SVEP1: variants seen among roughly 807,000 people sequenced by gnomAD.
SVEP1 encodes the protein sushi, von Willebrand factor type A, EGF and pentraxin domain containing 1.
Under a neutral mutation model 367.3 loss-of-function variants are expected in SVEP1, and 164 were observed. That is an observed-to-expected ratio of 0.45 (90% CI 0.39 to 0.51). SVEP1 has a LOEUF of 0.51. SVEP1 is among the 20% of genes least tolerant of loss of function. The probability of loss-of-function intolerance (pLI) is 0.00; values close to 1 mark genes in which losing one functional copy is unlikely to be tolerated. For missense variants in SVEP1, 4,117 were observed against 4,425.3 expected, an observed-to-expected ratio of 0.93 and a Z score of 1.98; for synonymous variants, 1,666 against 1,611.6, an observed-to-expected ratio of 1.03 and a Z score of -0.81.
At chr9:110,393,681 G>T (rs1469801239) in intron 40 of SVEP1, among the ~76,000 whole-genome samples, 1 of 149,332 alleles carries the variant, frequency 6.7e-6, no homozygotes, top group Non-Finnish European at 1.5e-5. Context: ...TTTCCAACAG[G>T]CTTAAAAAAC....
At chr9:110,391,248 C>G (rs979654789) in intron 40 of SVEP1, among the ~76,000 whole-genome samples, 6 of 150,010 alleles carry the variant, frequency 4.0e-5, no homozygotes, top group Non-Finnish European at 8.9e-5. Context: ...TGTACAGCAA[C>G]CTGATGGGTC....
chr9:110,458,150 C>G (rs1828805771), intron 20 of SVEP1: 3 of 542,824 alleles, frequency 5.5e-6, no homozygotes, highest in Non-Finnish European at 1.0e-5. Context: ...TTCCTTAAAC[C>G]AAATTCTCTT....
chr9:110,463,628 G>A (rs918331970), intron 18 of SVEP1, among the ~76,000 whole-genome samples: 3 of 142,870 alleles, frequency 2.1e-5, no homozygotes, highest in Non-Finnish European at 4.7e-5. Flanking sequence ...AAGAAAGAAA[G>A]GAAGAAAAAG....
intron 17 of SVEP1, 72 bp from the exon 18 acceptor site, chr9:110,466,098 G>A (rs1320890282): frequency 1.4e-6 from 2 of 1,447,116 alleles, no homozygotes; most frequent in Non-Finnish European, 1.8e-6. Flanking sequence ...GTGCGGGATA[G>A]GGTTTTCTGC....
chr9:110,430,786 T>C (rs1828339297), intron 32 of SVEP1, among the ~76,000 whole-genome samples: 2 of 152,198 alleles, frequency 1.3e-5, no homozygotes, highest in Non-Finnish European at 2.9e-5. Context: ...TCCCTCTTCA[T>C]ACCCAGTTTT....
At chr9:110,515,775 T>C (rs2118782105) in intron 3 of SVEP1, among the ~76,000 whole-genome samples, 1 of 152,304 alleles carries the variant, frequency 6.6e-6, no homozygotes, top group Non-Finnish European at 1.5e-5. Context: ...GTTACTCAGT[T>C]AGTGGGTGAC....
At chr9:110,547,544 T>A (rs1830235550) in intron 2 of SVEP1, among the ~76,000 whole-genome samples, 1 of 152,114 alleles carries the variant, frequency 6.6e-6, no homozygotes, top group Non-Finnish European at 1.5e-5. Flanking sequence ...CACTGCACTA[T>A]ATAGCCTGTG....
At chr9:110,405,975 A>AT (rs1827948267) in intron 38 of SVEP1, among the ~76,000 whole-genome samples, 185 bp downstream of exon 38, 1 of 152,326 alleles carries the variant, frequency 6.6e-6, no homozygotes, top group Admixed American at 6.5e-5. Flanking sequence ...GTATCGATTT[A>AT]TTTTTATACT....
chr9:110,473,385 T>C (rs938774910), intron 14 of SVEP1, among the ~76,000 whole-genome samples: 3 of 152,206 alleles, frequency 2.0e-5, no homozygotes, highest in Non-Finnish European at 4.4e-5. Flanking sequence ...GGCAAGCTTT[T>C]TTCCCACTGT....
chr9:110,486,267 A>G (rs897940763), intron 9 of SVEP1, among the ~76,000 whole-genome samples: 5 of 152,248 alleles, frequency 3.3e-5, no homozygotes, highest in Middle Eastern at 3.2e-3. Flanking sequence ...TTTTCTGGGC[A>G]TATCTGATTT....
intron 17 of SVEP1, among the ~76,000 whole-genome samples, chr9:110,468,534 G>A (rs1337539598): frequency 6.6e-6 from 1 of 152,178 alleles, no homozygotes; most frequent in Non-Finnish European, 1.5e-5. Context: ...CCCCTTTGAA[G>A]CAGACTGTAA....
chr9:110,406,674 A>C lies in SVEP1; in HGVS notation c.8926T>G (p.Phe2976Val). 3 of 1,614,034 alleles carry C rather than the reference A, an allele frequency of 1.9e-6. No individual in the cohort carries two copies. Among genetic ancestry groups the C allele is most frequent in the Non-Finnish European group, 2.5e-6 (3 of 1,179,898 alleles). ...TTTCCATGGAGCTTATAACCAGGAA[A>C]GCACTGATACTGTATATGGCCCCCA... ...IHGGHIQYQC[F>V]PGYKLHGNSS... Residue 2976 changes from phenylalanine to valine, a missense_variant, in exon 38 of 48, where the codon TTT becomes GTT. Around this residue, in one of 4 missense-constraint regions of SVEP1, gnomAD observed 1,765 missense variants for 1,781.1 expected, o/e 0.99. Transcript: ENST00000374469.
chr9:110,435,156 A>C, intron 29 of SVEP1, 85 bp downstream of exon 29: 6 of 1,489,640 alleles, frequency 4.0e-6, no homozygotes, highest in Non-Finnish European at 5.4e-6. Context: ...TTGGACCGAT[A>C]GAGAATTCTG....
intron 3 of SVEP1, among the ~76,000 whole-genome samples, chr9:110,525,088 A>C (rs764818491): frequency 1.3e-5 from 2 of 152,182 alleles, no homozygotes; most frequent in Non-Finnish European, 2.9e-5. Flanking sequence ...CAGTAGTGGA[A>C]CTTCTAACCA....
At chr9:110,437,106 G>C (rs1040812200) in intron 27 of SVEP1, among the ~76,000 whole-genome samples, 13 of 152,116 alleles carry the variant, frequency 8.5e-5, no homozygotes, top group African/African-American at 3.1e-4. Flanking sequence ...GTGTCCCAAA[G>C]GTTGTCCCCG....
chr9:110,571,039 C>T (rs1002465963), intron 1 of SVEP1, among the ~76,000 whole-genome samples: 11 of 146,730 alleles, frequency 7.5e-5, no homozygotes, highest in East Asian at 6.2e-4. Flanking sequence ...TTCAATGACG[C>T]GATCTCAACT....
chr9:110,569,315 G>A (rs896757294), intron 1 of SVEP1, among the ~76,000 whole-genome samples: 3 of 151,930 alleles, frequency 2.0e-5, no homozygotes, highest in Admixed American at 1.3e-4. Context: ...AATTAGCTGA[G>A]CATGGTGGTG....
chr9:110,579,046 G>C lies in SVEP1; in HGVS notation c.498C>G (p.Gly166=). The C allele has an allele frequency of 6.5e-7, 1 of 1,549,520 alleles. No individual in the cohort carries two copies. The highest frequency in any genetic ancestry group is 8.7e-7 in the Non-Finnish European group (1 of 1,146,836). The change falls in exon 1 of 48, where the codon GGC becomes GGG. Residue 166 remains glycine, a synonymous_variant. Transcript: ENST00000374469. The surrounding 1 kb of genome is among the most constrained non-coding windows in gnomAD (Gnocchi z 5.3). Reference sequence around the variant, plus strand: ...GCTGGAAGGCGCCCTTGGTGTAGGTGCCGCCACCTCGGTAGGAGATGGCAG... The same window carrying C: ...GCTGGAAGGCGCCCTTGGTGTAGGTCCCGCCACCTCGGTAGGAGATGGCAG... The part of the protein sequence containing the change: ...EIPAISYRGG[G]TYTKGAFQQA...
chr9:110,377,370 G>T lies in SVEP1; in HGVS notation c.10409-4C>A. 1 of 1,613,552 alleles carries T rather than the reference G, an allele frequency of 6.2e-7. No individual in the cohort carries two copies. The highest frequency in any genetic ancestry group is 8.5e-7 in the Non-Finnish European group (1 of 1,179,552). ...TGACATGGAAATCGACAGACAGCTG[G>T]AAAAGAAGCAGGATGGGTCACAAAT... On this transcript the variant is annotated splice_region_variant and splice_polypyrimidine_tract_variant and intron_variant, in intron 44 of 47. Coordinates refer to ENST00000374469, the MANE Select transcript of SVEP1 (RefSeq NM_153366.4).
Sources: allele counts gnomAD v4.1 joint callset (sites outside exome capture counted in the v4.1 genomes callset), GRCh38; gene constraint gnomAD v4.1.1; regional missense constraint gnomAD v4.1.1; non-coding constraint Gnocchi (gnomAD v3.1); transcripts MANE v1.5; gene names NCBI Gene and HGNC (gene_info 2026-07-23, HGNC 2026-07-21).